RELA: variants seen among roughly 807,000 people sequenced by gnomAD.
RELA encodes RELA proto-oncogene, NF-kB subunit, also known as transcription factor p65.
A neutral mutation model predicts 56.7 loss-of-function variants in RELA; 14 were observed. That is an observed-to-expected ratio of 0.25 (90% confidence interval 0.16 to 0.39). RELA has a LOEUF of 0.39. Ranked by LOEUF, RELA falls within the 10% of genes least tolerant of loss-of-function variation. The pLI is 1.00. For missense variants in RELA, 559 were observed against 736.4 expected, an observed-to-expected ratio of 0.76 and a Z score of 2.79; for synonymous variants, 315 against 289.7, an observed-to-expected ratio of 1.09 and a Z score of -0.89.
In RELA at chr11:65,661,689, G is replaced by A. The variant is rs1856570608; in HGVS notation, c.333C>T (p.His111=). Reference sequence around the variant, plus strand: ...CTCCTAGCCTGCAGGGACCTCACCTGTGGATGCAGCGGTCCGGGCAGAGCT... The same window carrying A: ...CTCCTAGCCTGCAGGGACCTCACCTATGGATGCAGCGGTCCGGGCAGAGCT... ...EAELCPDRCI[H]SFQNLGIQCV... The change falls in exon 4 of 11, where the codon CAC becomes CAT. Residue 111 remains histidine, a splice_region_variant and synonymous_variant. Coordinates refer to ENST00000406246, the MANE Select transcript of RELA (RefSeq NM_021975.4). The A allele has an allele frequency of 6.3e-7, 1 of 1,588,592 alleles. No homozygotes were observed. The highest frequency in any genetic ancestry group is 1.7e-5 in the Admixed American group (1 of 57,378).
intron 10 of RELA, 196 bp downstream of exon 10, chr11:65,655,492 T>C: frequency 3.3e-6 from 2 of 601,748 alleles, no homozygotes; most frequent in Non-Finnish European, 3.0e-6. Flanking sequence ...ATACCCAATA[T>C]AGAATTTAAG....
Position 65,655,766 on chromosome 11 carries a change from T to C in RELA, c.959-4A>G, listed in dbSNP as rs769604149. On this transcript the variant is annotated splice_polypyrimidine_tract_variant and splice_region_variant and intron_variant, in intron 9 of 10. Coordinates refer to ENST00000406246, the MANE Select transcript of RELA (RefSeq NM_021975.4). ...GGAGGCCGGGGGTCGGTGGGTCCTG[T>C]AGGGCAAGGGCTAGGTCAGTTCTCA... 2 of 1,614,018 alleles carry C rather than the reference T, an allele frequency of 1.2e-6. No homozygotes were observed. Among genetic ancestry groups the C allele is most frequent in the South Asian group, 1.1e-5 (1 of 91,074 alleles).
At chr11:65,657,811 C>A (rs913681659) in intron 8 of RELA, among the ~76,000 whole-genome samples, 1 of 152,236 alleles carries the variant, frequency 6.6e-6, no homozygotes, top group Admixed American at 6.5e-5. Flanking sequence ...GGGCAGGGAG[C>A]ATGTCTTACT....
At position 65,661,962 on chromosome 11, in the gene RELA, G is replaced by GT; in HGVS notation, c.160dup (p.Thr54AsnfsTer48). ...CTTGATGGTGGGGTGGGTCTTGGTG[G>GT]TATCTGTGCTCCTCTCGCCTGGGAT... On this transcript the variant is annotated frameshift_variant, in exon 3 of 11. Coordinates refer to ENST00000406246, the MANE Select transcript of RELA (RefSeq NM_021975.4). LOFTEE classifies it high-confidence loss of function. The GT allele has an allele frequency of 6.2e-7, 1 of 1,613,890 alleles. No homozygotes were observed. Among genetic ancestry groups the GT allele is most frequent in the Non-Finnish European group, 8.5e-7 (1 of 1,179,950 alleles).
At chr11:65,661,624 G>A in intron 4 of RELA, 63 bp downstream of exon 4, 9 of 1,460,094 alleles carry the variant, frequency 6.2e-6, no homozygotes, top group Non-Finnish European at 8.3e-6. Context: ...ACACTGTAGC[G>A]GCTACTTCAT....
chr11:65,654,621 G>A lies in RELA; in HGVS notation c.1413C>T (p.Asn471=). The part of the protein sequence containing the change: ...AVFTDLASVD[N]SEFQQLLNQG... ...GGTTCAGCAGCTGCTGAAACTCGGAGTTGTCGACGGATGCCAGGTCTGTGA... is the reference window on the plus strand; with the variant it reads ...GGTTCAGCAGCTGCTGAAACTCGGAATTGTCGACGGATGCCAGGTCTGTGA... The change falls in exon 11 of 11, where the codon AAC becomes AAT. Residue 471 remains asparagine (N), a synonymous_variant. Transcript: ENST00000406246. 6.2e-7 allele frequency: 1 copy of A among 1,608,718 alleles called. No homozygotes were observed. The highest frequency in any genetic ancestry group is 8.5e-7 in the Non-Finnish European group (1 of 1,177,868).
At chr11:65,660,358 C>T in intron 4 of RELA, 143 bp from the exon 5 acceptor site, 1 of 703,572 alleles carries the variant, frequency 1.4e-6, no homozygotes, top group East Asian at 2.7e-5. Flanking sequence ...TACTGTGCTG[C>T]AACGAACCCT....
intron 6 of RELA, 40 bp downstream of exon 6, chr11:65,659,626 G>A (rs1319356784): frequency 1.9e-6 from 3 of 1,611,068 alleles, no homozygotes; most frequent in Non-Finnish European, 2.5e-6. Context: ...TCCTATTCAG[G>A]CCCACCCTCT....
rs914778623 is a variant in RELA at position 65,654,498 on chromosome 11, G to A, written c.1536C>T (p.Asp512=). 1.9e-6 allele frequency: 3 copies of A among 1,601,546 alleles called. No homozygotes were observed. The highest frequency in any genetic ancestry group is 2.6e-6 in the Non-Finnish European group (3 of 1,175,458). The change falls in exon 11 of 11, where the codon GAC becomes GAT. Residue 512 remains aspartate, a synonymous_variant. Coordinates refer to ENST00000406246, the MANE Select transcript of RELA (RefSeq NM_021975.4). ...RLVTGAQRPP[D]PAPAPLGAPG... Reference sequence around the variant, plus strand: ...GGGCCCCCAGTGGAGCAGGAGCTGGGTCGGGGGGCCTCTGGGCCCCTGTCA... The same window carrying A: ...GGGCCCCCAGTGGAGCAGGAGCTGGATCGGGGGGCCTCTGGGCCCCTGTCA...
At position 65,658,639 on chromosome 11, in the gene RELA, C is replaced by A; in HGVS notation, c.664+79G>T. On this transcript the variant is annotated intron_variant, in intron 7 of 10. Transcript: ENST00000406246. This position sits in a 1 kb window ranked among gnomAD's most constrained non-coding sequence, Gnocchi z 4.5. ...GAGGCACAGGAGGAAGTATCCAAAGCCAGTTACCTGACACTCCACTTCTCT... is the reference window on the plus strand; with the variant it reads ...GAGGCACAGGAGGAAGTATCCAAAGACAGTTACCTGACACTCCACTTCTCT... 2 of 1,452,796 alleles carry A rather than the reference C, an allele frequency of 1.4e-6. No individual in the cohort carries two copies. The highest frequency in any genetic ancestry group is 1.9e-6 in the Non-Finnish European group (2 of 1,036,864). The allele number at this position is 1,452,796 out of a possible 1,614,324, so 90.0% of individuals were successfully genotyped here. A position where few individuals can be genotyped will look rare whatever the true frequency, so the allele number is the denominator to read the frequency against.
At position 65,658,376 on chromosome 11, in the gene RELA, T is replaced by G. The variant is rs1359669742; in HGVS notation, c.788A>C (p.Gln263Pro). ...RTPPYADPSL[Q>P]APVRVSMQLR... ...CTGCATGGAGACACGCACAGGAGCCTGCAGGCTGGGGTCTGCGTAGGGAGG... is the reference window on the plus strand; with the variant it reads ...CTGCATGGAGACACGCACAGGAGCCGGCAGGCTGGGGTCTGCGTAGGGAGG... Residue 263 changes from glutamine (Q) to proline (P), a missense_variant, in exon 8 of 11, where the codon CAG becomes CCG. Transcript: ENST00000406246. The surrounding 1 kb of genome is among the most constrained non-coding windows in gnomAD (Gnocchi z 4.5). 18 of 1,613,890 alleles carry G rather than the reference T, an allele frequency of 1.1e-5. No homozygotes were observed. Among genetic ancestry groups the G allele is most frequent in the Non-Finnish European group, 1.5e-5 (18 of 1,179,946 alleles).
chr11:65,662,826 C>T lies in RELA; in HGVS notation c.7G>A (p.Glu3Lys). The change falls in exon 1 of 11, where the codon GAA becomes AAA. Residue 3 changes from glutamate (E) to lysine (K), a missense_variant and splice_region_variant. Physicochemically the swap from Glu to Lys is moderately conservative, Grantham distance 56 (BLOSUM62 1). Coordinates refer to ENST00000406246, the MANE Select transcript of RELA (RefSeq NM_021975.4). MD[E>K]LFPLIFPAEP... ...CCGCGGGGTCAGAGGGCGACCTCAC[C>T]GTCCATGGCCGGGGTCCCGGGGGCG... is the stretch of plus-strand genomic sequence containing the variant. 1 of 1,199,618 alleles carries T rather than the reference C, an allele frequency of 8.3e-7. No individual in the cohort carries two copies. The highest frequency in any genetic ancestry group is 1.0e-6 in the Non-Finnish European group (1 of 967,078). The allele number at this position is 1,199,618 out of a possible 1,614,324, so 74.3% of individuals were successfully genotyped here.
At position 65,658,878 on chromosome 11, in the gene RELA, G is replaced by T; in HGVS notation, c.560-56C>A. 1 of 1,450,796 alleles carries T rather than the reference G, an allele frequency of 6.9e-7. No homozygotes were observed. The allele number at this position is 1,450,796 out of a possible 1,614,324, so 89.9% of individuals were successfully genotyped here. A position where few individuals can be genotyped will look rare whatever the true frequency, so the allele number is the denominator to read the frequency against. On this transcript the variant is annotated intron_variant, in intron 6 of 10. Transcript: ENST00000406246. The surrounding 1 kb of genome is among the most constrained non-coding windows in gnomAD (Gnocchi z 4.5). ...TGAGCCACGAGAGGTCCCCAGGGTG[G>T]CCTGCAGGAGATGCAACTTCCCTGC...
chr11:65,662,934 GT>G (rs1856612753), upstream of RELA: 7 of 993,466 alleles, frequency 7.0e-6, no homozygotes, highest in Non-Finnish European at 7.6e-6. Context: ...GCGGCCCGCC[GT>G]CGCGTCACTG....
chr11:65,662,024 G>C lies in RELA; in HGVS notation c.99C>G (p.Arg33=), dbSNP rs761953929. 1.2e-6 allele frequency: 2 copies of C among 1,613,394 alleles called. No individual in the cohort carries two copies. Among genetic ancestry groups the C allele is most frequent in the South Asian group, 1.1e-5 (1 of 91,000 alleles). Residue 33 remains arginine (R), a synonymous_variant, in exon 3 of 11, where the codon CGC becomes CGG. Coordinates refer to ENST00000406246, the MANE Select transcript of RELA (RefSeq NM_021975.4). ...IIEQPKQRGM[R]FRYKCEGRSA... is the part of the protein sequence containing the mutation. ...AGCGCCCCTCGCACTTGTAGCGGAA[G>C]CGCATGCCCCGCTGCTTGGGCTGCT...
At chr11:65,662,926 G>T (rs1337447942), upstream of RELA, 2 of 1,059,474 alleles carry the variant, frequency 1.9e-6, no homozygotes, top group Non-Finnish European at 1.2e-6. Flanking sequence ...TGCGCCGCGC[G>T]GCCCGCCGTC....
At position 65,661,831 on chromosome 11, in the gene RELA, T is replaced by C. The variant is rs1565192440; in HGVS notation, c.191A>G (p.Asn64Ser). The C allele has an allele frequency of 4.3e-6, 7 of 1,610,770 alleles. No individual in the cohort carries two copies. The highest frequency in any genetic ancestry group is 5.1e-6 in the Non-Finnish European group (6 of 1,178,012). Residue 64 changes from asparagine to serine, a missense_variant, in exon 4 of 11, where the codon AAT becomes AGT. This residue lies in a region of RELA where 24 missense variants were observed against 75.5 expected (regional missense o/e 0.32). Coordinates refer to ENST00000406246, the MANE Select transcript of RELA (RefSeq NM_021975.4). The stretch of plus-strand genomic sequence containing the variant: ...CACTGTCCCTGGTCCTGTGTAGCCA[T>C]TGATCTGTCCAAAGTACAGAGGCCC... ...TTKTHPTIKI[N>S]GYTGPGTVRI...
At chr11:65,655,311 C>CT (rs1856394934) in intron 10 of RELA, 3 of 566,660 alleles carry the variant, frequency 5.3e-6, no homozygotes, top group Admixed American at 3.3e-5. Flanking sequence ...TCCTGAGAGG[C>CT]AATGAGCCCA....
rs1356116995 is a variant in RELA, at chr11:65,662,000, G to C, written c.123C>G (p.Arg41=). 1 of 1,613,764 alleles carries C rather than the reference G, an allele frequency of 6.2e-7. No individual in the cohort carries two copies. Among genetic ancestry groups the C allele is most frequent in the South Asian group, 1.1e-5 (1 of 91,048 alleles). Residue 41 remains arginine, a synonymous_variant, in exon 3 of 11, where the codon CGC becomes CGG. Coordinates refer to ENST00000406246, the MANE Select transcript of RELA (RefSeq NM_021975.4). ...GMRFRYKCEG[R]SAGSIPGERS... is the part of the protein sequence containing the mutation. The stretch of plus-strand genomic sequence containing the variant: ...TCTCGCCTGGGATGCTGCCCGCGGA[G>C]CGCCCCTCGCACTTGTAGCGGAAGC...
Sources: allele counts gnomAD v4.1 joint callset (sites outside exome capture counted in the v4.1 genomes callset), GRCh38; gene constraint gnomAD v4.1.1; regional missense constraint gnomAD v4.1.1; non-coding constraint Gnocchi (gnomAD v3.1); transcripts MANE v1.5; gene names NCBI Gene and HGNC (gene_info 2026-07-23, HGNC 2026-07-21).